The following TTC7B variants were observed in gnomAD, a reference collection of about 807,000 sequenced individuals.
TTC7B encodes the protein tetratricopeptide repeat domain 7B.
Under a neutral mutation model 106.8 loss-of-function variants are expected in TTC7B, and 28 were observed. That is an observed-to-expected ratio of 0.26 (90% CI 0.19 to 0.36). TTC7B has a LOEUF of 0.36. Among genes scored for constraint, TTC7B ranks in the 10% least tolerant of loss-of-function variants. The pLI, the probability that TTC7B is intolerant of heterozygous loss-of-function variation, is 1.00. For synonymous variants in TTC7B, 405 were observed against 430.6 expected (o/e 0.94, Z 0.74); for missense variants, 862 against 1,076.4 (o/e 0.80, Z 2.79).
intron 15 of TTC7B, 26 bp downstream of exon 15, chr14:90,644,022 G>C: frequency 6.2e-7 from 1 of 1,613,978 alleles, no homozygotes; most frequent in Non-Finnish European, 8.5e-7. Context: ...CTGAGTAAGG[G>C]AAAACCAAAG....
chr14:90,652,487 T>TAAA (rs536469316), intron 13 of TTC7B, among the ~76,000 whole-genome samples: 3 of 133,764 alleles, frequency 2.2e-5, no homozygotes, highest in Admixed American at 7.5e-5. Context: ...CATGTTTTTT[T>TAAA]TAAAAAAAAA....
At chr14:90,716,198 A>G (rs1327153983) in intron 5 of TTC7B, among the ~76,000 whole-genome samples, 1 of 152,184 alleles carries the variant, frequency 6.6e-6, no homozygotes, top group East Asian at 1.9e-4. Flanking sequence ...CTAAGAGGAA[A>G]CATGAGGAGT....
intron 15 of TTC7B, among the ~76,000 whole-genome samples, chr14:90,623,082 T>G (rs1320569214): frequency 6.6e-6 from 1 of 152,160 alleles, no homozygotes; most frequent in Non-Finnish European, 1.5e-5. Flanking sequence ...CCTTCAAGAT[T>G]CAGGTCAAAT....
chr14:90,741,787 C>T (rs763314323), intron 4 of TTC7B, among the ~76,000 whole-genome samples: 6 of 152,330 alleles, frequency 3.9e-5, no homozygotes, highest in Admixed American at 2.0e-4. Context: ...TTATTCTCCT[C>T]GCTAGCCTTC....
At chr14:90,543,737 GT>G (rs2139763532) in intron 19 of TTC7B, among the ~76,000 whole-genome samples, 1 of 152,358 alleles carries the variant, frequency 6.6e-6, no homozygotes, top group East Asian at 1.9e-4. Flanking sequence ...TGAGGAATGA[GT>G]TATGGCCCTC....
chr14:90,690,838 C>G (rs1049521240), intron 6 of TTC7B, among the ~76,000 whole-genome samples: 3 of 152,168 alleles, frequency 2.0e-5, no homozygotes, highest in Admixed American at 2.0e-4. Flanking sequence ...TCTTAAAACA[C>G]CACAAGGAAA....
At chr14:90,586,110 C>T (rs567331047) in intron 18 of TTC7B, among the ~76,000 whole-genome samples, 6 of 152,160 alleles carry the variant, frequency 3.9e-5, no homozygotes, top group Non-Finnish European at 4.4e-5. Flanking sequence ...TAGTGTGTGG[C>T]GGGGCCAGGG....
intron 19 of TTC7B, among the ~76,000 whole-genome samples, chr14:90,553,743 G>C (rs763483044): frequency 6.6e-6 from 1 of 152,106 alleles, no homozygotes; most frequent in African/African-American, 2.4e-5. Flanking sequence ...CAGACCTCCC[G>C]CCCACTCTCC....
chr14:90,645,632 A>G (rs942745), intron 14 of TTC7B, among the ~76,000 whole-genome samples: 2,628 of 152,284 alleles, frequency 0.017, 64 homozygotes, highest in African/African-American at 0.06. Context: ...AATAGCACTC[A>G]ACCTGGTATT....
intron 17 of TTC7B, among the ~76,000 whole-genome samples, chr14:90,609,948 G>A (rs545057730): frequency 1.3e-5 from 2 of 152,302 alleles, no homozygotes; most frequent in Non-Finnish European, 2.9e-5. Flanking sequence ...ATGGGCTGCA[G>A]TCAAAATGCA....
intron 3 of TTC7B, among the ~76,000 whole-genome samples, chr14:90,758,236 G>A (rs1324133810): frequency 1.3e-5 from 2 of 149,592 alleles, no homozygotes; most frequent in Non-Finnish European, 3.0e-5. Flanking sequence ...CGGCCTTGGG[G>A]CACCACTGTC....
At chr14:90,729,428 T>TAGAA (rs1213495171) in intron 5 of TTC7B, among the ~76,000 whole-genome samples, 1 of 152,180 alleles carries the variant, frequency 6.6e-6, no homozygotes, top group Non-Finnish European at 1.5e-5. Context: ...AGGAACCAGA[T>TAGAA]ACCTACTGTT....
At chr14:90,810,633 G>C (rs778634108) in intron 1 of TTC7B, among the ~76,000 whole-genome samples, 11 of 152,240 alleles carry the variant, frequency 7.2e-5, no homozygotes, top group Non-Finnish European at 8.8e-5. Context: ...CAGCGAGTGA[G>C]GCCTGCTCAC....
chr14:90,694,678 T>TTTTTATTATAAAATATA (rs1887615829), intron 6 of TTC7B, among the ~76,000 whole-genome samples: 1 of 45,954 alleles, frequency 2.2e-5, no homozygotes, highest in Non-Finnish European at 4.3e-5. Context: ...TATATGTATA[T>TTTTTATTATAAAATATA]TTTTATTTTA....
At chr14:90,776,360 C>T (rs914697177) in intron 3 of TTC7B, among the ~76,000 whole-genome samples, 9 of 152,170 alleles carry the variant, frequency 5.9e-5, no homozygotes, top group African/African-American at 1.9e-4. Context: ...CTCAAGCATG[C>T]GCACTAAGGG....
At chr14:90,780,391 GAA>G (rs1891170111) in intron 3 of TTC7B, among the ~76,000 whole-genome samples, 1 of 135,394 alleles carries the variant, frequency 7.4e-6, no homozygotes, top group Non-Finnish European at 1.6e-5. Context: ...CAAAAAAAAA[GAA>G]AGAGAGAAAG....
intron 1 of TTC7B, among the ~76,000 whole-genome samples, chr14:90,813,219 G>A (rs2030999745): frequency 1.3e-5 from 2 of 152,116 alleles, no homozygotes; most frequent in Non-Finnish European, 2.9e-5. Context: ...CCCACTCCCA[G>A]CCCACTCCAA....
intron 15 of TTC7B, among the ~76,000 whole-genome samples, chr14:90,632,641 T>C (rs1884751332): frequency 6.6e-6 from 1 of 152,216 alleles, no homozygotes; most frequent in African/African-American, 2.4e-5. Context: ...CCCTGGCATG[T>C]GGTAGAAACT....
At chr14:90,634,809 A>C (rs1380649030) in intron 15 of TTC7B, among the ~76,000 whole-genome samples, 1 of 152,158 alleles carries the variant, frequency 6.6e-6, no homozygotes, top group Non-Finnish European at 1.5e-5. Flanking sequence ...GAAGTAATAT[A>C]TGAAGAAAGA....
Sources: gnomAD v4.1 joint callset for allele counts (sites outside exome capture counted in the v4.1 genomes callset) on GRCh38, gnomAD v4.1.1 for gene constraint, MANE v1.5 for transcripts, NCBI Gene and HGNC (gene_info 2026-07-23, HGNC 2026-07-21) for gene names.